SERTM1: variants seen among roughly 807,000 people sequenced by gnomAD.
SERTM1 encodes serine rich and transmembrane domain containing 1.
A neutral mutation model predicts 5.5 loss-of-function variants in SERTM1; 1 was observed. The observed-to-expected ratio is 0.18, with a 90% CI of 0.06 to 0.86. SERTM1 has a LOEUF of 0.86. Among genes scored for constraint, SERTM1 ranks in the 40% least tolerant of loss-of-function variants. The pLI is 0.69. For missense variants in SERTM1, 91 were observed against 122.4 expected, an observed-to-expected ratio of 0.74 and a Z score of 1.21; for synonymous variants, 52 against 55.1, an observed-to-expected ratio of 0.94 and a Z score of 0.25.
intron 1 of SERTM1, among the ~76,000 whole-genome samples, 175 bp downstream of exon 1, chr13:36,674,359 A>G (rs1425295336): frequency 6.6e-6 from 1 of 151,892 alleles, no homozygotes; most frequent in African/African-American, 2.4e-5. Flanking sequence ...AACACCCCCA[A>G]ATCTATCCCT....
Position 36,695,733 on chromosome 13 carries a change from A to G in SERTM1, c.*331A>G, listed in dbSNP as rs370273153. ...GGTGGCCTCTCCGTGGATGCTGGAC[A>G]TGGACTCGCACTTCATTTCTTTTAC... On this transcript the variant is annotated 3_prime_UTR_variant, in exon 2 of 2. Coordinates refer to ENST00000315190, the MANE Select transcript of SERTM1 (RefSeq NM_203451.3). The G allele has an allele frequency of 9.2e-4, 250 of 270,436 alleles. 1 individual carries two copies. The highest frequency in any genetic ancestry group is 4.7e-3 in the African/African-American group (210 of 44,884). 16.8% of individuals were successfully genotyped at this position (270,436 alleles called of 1,614,324 possible). A position where few individuals can be genotyped will look rare whatever the true frequency, so the allele number is the denominator to read the frequency against.
intron 1 of SERTM1, among the ~76,000 whole-genome samples, 180 bp downstream of exon 1, chr13:36,674,364 A>G (rs976740779): frequency 1.3e-5 from 2 of 151,716 alleles, no homozygotes; most frequent in East Asian, 4.0e-4. Context: ...CCCCAAATCT[A>G]TCCCTTTTGA....
At chr13:36,688,605 T>C in intron 1 of SERTM1, among the ~76,000 whole-genome samples, 1 of 152,308 alleles carries the variant, frequency 6.6e-6, no homozygotes, top group South Asian at 2.1e-4. Flanking sequence ...TTAGCTGATC[T>C]GAGATTAAAA....
At chr13:36,677,818 C>A (rs1174657722) in intron 1 of SERTM1, among the ~76,000 whole-genome samples, 1 of 152,202 alleles carries the variant, frequency 6.6e-6, no homozygotes, top group African/African-American at 2.4e-5. Context: ...TCCTTATTCA[C>A]CTTCAATTTC....
chr13:36,693,394 C>CTT (rs569147311), intron 1 of SERTM1, among the ~76,000 whole-genome samples: 1,829 of 144,862 alleles, frequency 0.013, 44 homozygotes, highest in African/African-American at 0.043. Context: ...TCTTCTTCTT[C>CTT]TTTTTTTTTT....
At chr13:36,688,470 C>G (rs1433906393) in intron 1 of SERTM1, among the ~76,000 whole-genome samples, 1 of 152,170 alleles carries the variant, frequency 6.6e-6, no homozygotes, top group East Asian at 1.9e-4. Context: ...GCCTCAGCCT[C>G]CCAAAGTGCT....
chr13:36,680,728 C>T (rs1291213687), intron 1 of SERTM1, among the ~76,000 whole-genome samples: 1 of 151,922 alleles, frequency 6.6e-6, no homozygotes, highest in East Asian at 1.9e-4. Flanking sequence ...AATGGTTTTA[C>T]TTTGTTGTTG....
intron 1 of SERTM1, among the ~76,000 whole-genome samples, chr13:36,678,637 A>C (rs571365591): frequency 6.7e-6 from 1 of 150,100 alleles, no homozygotes; most frequent in Non-Finnish European, 1.5e-5. Flanking sequence ...ACAAACCTAC[A>C]CGTCCTGCAC....
chr13:36,680,865 T>C (rs1276897248), intron 1 of SERTM1, among the ~76,000 whole-genome samples: 3 of 152,094 alleles, frequency 2.0e-5, no homozygotes, highest in South Asian at 2.1e-4. Flanking sequence ...GATTCTCCTG[T>C]TTTTTAATAG....
At chr13:36,677,489 T>A (rs2056677704) in intron 1 of SERTM1, among the ~76,000 whole-genome samples, 1 of 152,224 alleles carries the variant, frequency 6.6e-6, no homozygotes, top group Non-Finnish European at 1.5e-5. Flanking sequence ...ATTGTTAATC[T>A]GGAAGGGTCT....
chr13:36,686,003 T>A (rs1211392396), intron 1 of SERTM1, among the ~76,000 whole-genome samples: 1 of 152,138 alleles, frequency 6.6e-6, no homozygotes, highest in Non-Finnish European at 1.5e-5. Flanking sequence ...AGGAGAGATA[T>A]CCTTGGCTGC....
intron 1 of SERTM1, among the ~76,000 whole-genome samples, chr13:36,690,567 A>G (rs905842940): frequency 5.3e-5 from 8 of 152,252 alleles, no homozygotes; most frequent in Admixed American, 2.0e-4. Context: ...AGAAAGCATT[A>G]AAAGAGAAGA....
At chr13:36,685,488 C>T (rs988143759) in intron 1 of SERTM1, among the ~76,000 whole-genome samples, 1 of 152,130 alleles carries the variant, frequency 6.6e-6, no homozygotes, top group African/African-American at 2.4e-5. Flanking sequence ...AATTTCAGGT[C>T]CCTACCTGTA....
At chr13:36,693,144 A>C (rs1030767476) in intron 1 of SERTM1, among the ~76,000 whole-genome samples, 1 of 152,236 alleles carries the variant, frequency 6.6e-6, no homozygotes, top group Non-Finnish European at 1.5e-5. Context: ...ACTTTTGTCA[A>C]ATCAATTAGC....
chr13:36,685,377 G>A (rs144041016), intron 1 of SERTM1, among the ~76,000 whole-genome samples: 1 of 152,104 alleles, frequency 6.6e-6, no homozygotes, highest in Non-Finnish European at 1.5e-5. Context: ...GGAAATCCAG[G>A]TAGATGAGTA....
intron 1 of SERTM1, among the ~76,000 whole-genome samples, chr13:36,677,022 G>T (rs2056673942): frequency 6.6e-6 from 1 of 152,060 alleles, no homozygotes; most frequent in Admixed American, 6.6e-5. Context: ...GCATTCACGG[G>T]CCATTTCAGG....
At chr13:36,694,862 T>C (rs1376585502) in intron 1 of SERTM1, 44 bp from the exon 2 acceptor site, 1 of 531,896 alleles carries the variant, frequency 1.9e-6, no homozygotes, top group Non-Finnish European at 3.3e-6. Context: ...GGAATTTAAA[T>C]GTGATTTTTC....
At chr13:36,691,037 G>T (rs1272696879) in intron 1 of SERTM1, among the ~76,000 whole-genome samples, 2 of 152,198 alleles carry the variant, frequency 1.3e-5, no homozygotes, top group Non-Finnish European at 2.9e-5. Context: ...TTTGAATAAA[G>T]GTCATGAAAT....
chr13:36,681,762 T>G (rs921478676), intron 1 of SERTM1, among the ~76,000 whole-genome samples: 2 of 152,234 alleles, frequency 1.3e-5, no homozygotes, highest in Non-Finnish European at 2.9e-5. Context: ...CAGCCAGAGC[T>G]TCATAGTCTC....
Sources: gnomAD v4.1 joint callset for allele counts (sites outside exome capture counted in the v4.1 genomes callset) on GRCh38, gnomAD v4.1.1 for gene constraint, MANE v1.5 for transcripts, NCBI Gene and HGNC (gene_info 2026-07-23, HGNC 2026-07-21) for gene names.